The following KLHL29 variants were observed in gnomAD, a reference collection of about 807,000 sequenced individuals.
The protein encoded by KLHL29 is kelch like family member 29.
Under a neutral mutation model 80.4 loss-of-function variants are expected in KLHL29, and 21 were observed. The ratio of observed to expected loss-of-function variants is 0.26; its 90% confidence interval spans 0.19 to 0.38. The LOEUF is 0.38. KLHL29 is among the 10% of genes least tolerant of loss of function. The probability of loss-of-function intolerance (pLI) is 1.00; values close to 1 mark genes in which losing one functional copy is unlikely to be tolerated. For missense variants in KLHL29, 867 were observed against 1,223.9 expected (o/e 0.71, Z 4.35); for synonymous variants, 511 against 526.8 (o/e 0.97, Z 0.41).
chr2:23,558,210 C>G (rs1255250418), intron 2 of KLHL29, among the ~76,000 whole-genome samples: 1 of 152,128 alleles, frequency 6.6e-6, no homozygotes, highest in African/African-American at 2.4e-5. Flanking sequence ...ATAACATCCT[C>G]TCTGCCACAT....
intron 1 of KLHL29, among the ~76,000 whole-genome samples, chr2:23,434,194 G>A (rs548493181): frequency 5.9e-5 from 9 of 152,006 alleles, no homozygotes; most frequent in East Asian, 3.9e-4. Flanking sequence ...GTTGGCGGGC[G>A]CCTGTAGTCC....
chr2:23,470,489 T>A (rs777800000), intron 1 of KLHL29, among the ~76,000 whole-genome samples: 2 of 152,230 alleles, frequency 1.3e-5, no homozygotes, highest in Non-Finnish European at 1.5e-5. Flanking sequence ...TTCCCTCATC[T>A]GTAAAATGAG....
chr2:23,670,923 T>C (rs150808017), intron 5 of KLHL29, among the ~76,000 whole-genome samples: 1 of 36,302 alleles, frequency 2.8e-5, no homozygotes, highest in Admixed American at 3.1e-4. Context: ...ACGCGCTCTC[T>C]CTCTCTCTCT....
At chr2:23,407,421 A>C (rs1666761972) in intron 1 of KLHL29, among the ~76,000 whole-genome samples, 1 of 151,678 alleles carries the variant, frequency 6.6e-6, no homozygotes, top group Non-Finnish European at 1.5e-5. Flanking sequence ...GTTTCTGTGT[A>C]TTGACGTACC....
chr2:23,565,940 G>T (rs111324191), intron 3 of KLHL29, among the ~76,000 whole-genome samples: 2 of 152,314 alleles, frequency 1.3e-5, no homozygotes, highest in East Asian at 3.9e-4. Flanking sequence ...GGGGGCTGGG[G>T]CATCCCATGC....
In KLHL29 at chr2:23,706,911, C is replaced by A; in HGVS notation, c.*247C>A. 1 of 418,276 alleles carries A rather than the reference C, an allele frequency of 2.4e-6. No individual in the cohort carries two copies. The highest frequency in any genetic ancestry group is 4.2e-6 in the Non-Finnish European group (1 of 237,008). 25.9% of individuals were successfully genotyped at this position (418,276 alleles called of 1,614,324 possible). On this transcript the variant is annotated 3_prime_UTR_variant, in exon 14 of 14. Coordinates refer to ENST00000486442, the MANE Select transcript of KLHL29 (RefSeq NM_052920.2). The stretch of plus-strand genomic sequence containing the variant: ...GCCATGGGGCTGGCTGCCTCCTGAA[C>A]AGGGGCGCTCGCTCTGCCAGGTGCA...
At chr2:23,386,069 G>A (rs982996424) in intron 1 of KLHL29, among the ~76,000 whole-genome samples, 1 of 152,256 alleles carries the variant, frequency 6.6e-6, no homozygotes, top group South Asian at 2.1e-4. Flanking sequence ...CTGTCACGGT[G>A]TTCGGAGGTG....
chr2:23,492,991 T>C (rs1260845155), intron 2 of KLHL29, among the ~76,000 whole-genome samples: 4 of 152,092 alleles, frequency 2.6e-5, no homozygotes, highest in Non-Finnish European at 5.9e-5. Context: ...TACTTTCATC[T>C]CTCCCTCATC....
At chr2:23,566,795 T>C (rs1667599667) in intron 3 of KLHL29, among the ~76,000 whole-genome samples, 1 of 152,246 alleles carries the variant, frequency 6.6e-6, no homozygotes, top group Admixed American at 6.5e-5. Flanking sequence ...TAAATTAATA[T>C]GCATAGAAAA....
intron 2 of KLHL29, among the ~76,000 whole-genome samples, chr2:23,514,481 G>A (rs938040149): frequency 6.6e-5 from 10 of 152,178 alleles, no homozygotes; most frequent in African/African-American, 1.2e-4. Context: ...TCTCCTGCAC[G>A]TTTCTTCCTC....
At chr2:23,565,614 T>C (rs1667571698) in intron 3 of KLHL29, among the ~76,000 whole-genome samples, 1 of 152,080 alleles carries the variant, frequency 6.6e-6, no homozygotes, top group Admixed American at 6.6e-5. Context: ...TGTGGCGCCC[T>C]TTCCTCTAGG....
intron 2 of KLHL29, among the ~76,000 whole-genome samples, chr2:23,551,098 T>TG (rs1223247670): frequency 6.6e-6 from 1 of 152,252 alleles, no homozygotes; most frequent in African/African-American, 2.4e-5. Flanking sequence ...CTCTGGTTGA[T>TG]GCTCCTCTAC....
chr2:23,628,447 G>T (rs1473516276), intron 3 of KLHL29, among the ~76,000 whole-genome samples: 1 of 152,092 alleles, frequency 6.6e-6, no homozygotes. Flanking sequence ...CTTCCCCTGG[G>T]GTCGTTGGGA....
chr2:23,634,741 A>G (rs1200960706), intron 3 of KLHL29, among the ~76,000 whole-genome samples: 6 of 152,176 alleles, frequency 3.9e-5, no homozygotes, highest in African/African-American at 1.4e-4. Flanking sequence ...TAAGGGTCCC[A>G]GCACACCCGG....
chr2:23,578,238 T>C (rs1667891902), intron 3 of KLHL29, among the ~76,000 whole-genome samples: 1 of 152,122 alleles, frequency 6.6e-6, no homozygotes, highest in Non-Finnish European at 1.5e-5. Context: ...GGGGTACCAT[T>C]GCACACCAGC....
intron 6 of KLHL29, chr2:23,691,284 C>T: frequency 3.7e-6 from 1 of 268,812 alleles, no homozygotes. Flanking sequence ...GAATCTGCCA[C>T]CCAAGGCAGG....
At chr2:23,570,103 A>G (rs1210911273) in intron 3 of KLHL29, among the ~76,000 whole-genome samples, 1 of 152,210 alleles carries the variant, frequency 6.6e-6, no homozygotes, top group Admixed American at 6.5e-5. Context: ...CTGCCTCTCT[A>G]GAACCCGTAG....
chr2:23,424,147 A>G (rs556536329), intron 1 of KLHL29, among the ~76,000 whole-genome samples: 2 of 152,206 alleles, frequency 1.3e-5, no homozygotes, highest in Non-Finnish European at 2.9e-5. Context: ...TACTTCTAGA[A>G]CAAGTGCTTG....
chr2:23,515,607 G>A (rs1417418593), intron 2 of KLHL29, among the ~76,000 whole-genome samples: 2 of 152,218 alleles, frequency 1.3e-5, no homozygotes, highest in African/African-American at 4.8e-5. Context: ...CAGGAATACT[G>A]TGTTATCTGT....
Sources: allele counts gnomAD v4.1 joint callset (sites outside exome capture counted in the v4.1 genomes callset), GRCh38; gene constraint gnomAD v4.1.1; transcripts MANE v1.5; gene names NCBI Gene and HGNC (gene_info 2026-07-23, HGNC 2026-07-21).